Variants in FAM210A observed in about 807,000 individuals in gnomAD.
FAM210A encodes the protein family with sequence similarity 210 member A.
In FAM210A, 13 loss-of-function variants were observed where a neutral mutation model predicts 25.3. The ratio of observed to expected loss-of-function variants is 0.51; its 90% CI spans 0.33 to 0.82. FAM210A has a LOEUF of 0.82. Among genes scored for constraint, FAM210A ranks in the 40% least tolerant of loss-of-function variants. FAM210A has a pLI of 0.02. For synonymous variants in FAM210A, 125 were observed against 118.7 expected (o/e 1.05, Z -0.35); for missense variants, 319 against 323.2 (o/e 0.99, Z 0.10).
intron 1 of FAM210A, among the ~76,000 whole-genome samples, chr18:13,712,848 A>C (rs889931403): frequency 6.6e-6 from 1 of 152,192 alleles, no homozygotes; most frequent in Non-Finnish European, 1.5e-5. Flanking sequence ...GAAGGACTCA[A>C]AACTAAGTAC....
chr18:13,707,981 A>C (rs530303785), intron 1 of FAM210A, among the ~76,000 whole-genome samples: 1 of 152,092 alleles, frequency 6.6e-6, no homozygotes, highest in East Asian at 1.9e-4. Flanking sequence ...GGGGCTGCCC[A>C]ATTTGCGAAT....
In FAM210A at chr18:13,702,780, T is replaced by A. The variant is rs577223437; in HGVS notation, c.-28-20675A>T. Reference sequence around the variant, plus strand: ...CTTAGGGAATGAGTTCTTTCCTGTTTGATATCTTCATAACTGTTACCATTT... The same window carrying A: ...CTTAGGGAATGAGTTCTTTCCTGTTAGATATCTTCATAACTGTTACCATTT... On this transcript the variant is annotated intron_variant, in intron 1 of 3. Transcript: ENST00000651643. Among the ~76,000 whole-genome samples, 15 of 152,336 alleles carry A rather than the reference T, an allele frequency of 9.8e-5. No individual in the cohort carries two copies. In the South Asian group the frequency reaches 2.9e-3, roughly 29 times the overall value.
chr18:13,683,818 C>A (rs2043574977), intron 1 of FAM210A, among the ~76,000 whole-genome samples: 3 of 152,134 alleles, frequency 2.0e-5, no homozygotes, highest in Admixed American at 1.3e-4. Context: ...TGAATTAGCA[C>A]CCCTATAAAT....
chr18:13,713,978 C>G (rs1226725282), intron 1 of FAM210A, among the ~76,000 whole-genome samples: 1 of 152,154 alleles, frequency 6.6e-6, no homozygotes, highest in Non-Finnish European at 1.5e-5. Context: ...TATAACTCCT[C>G]CAGGGGTACG....
At chr18:13,711,561 C>G (rs2043821985) in intron 1 of FAM210A, among the ~76,000 whole-genome samples, 1 of 152,162 alleles carries the variant, frequency 6.6e-6, no homozygotes, top group South Asian at 2.1e-4. Context: ...CTACTTGCAT[C>G]CTACTTGTTC....
At chr18:13,690,068 C>T (rs1449580660) in intron 1 of FAM210A, among the ~76,000 whole-genome samples, 1 of 152,240 alleles carries the variant, frequency 6.6e-6, no homozygotes, top group African/African-American at 2.4e-5. Flanking sequence ...TAATACTGCG[C>T]TTTTCCAACG....
chr18:13,698,375 A>G (rs1406532692), intron 1 of FAM210A, among the ~76,000 whole-genome samples: 1 of 148,406 alleles, frequency 6.7e-6, no homozygotes, highest in Middle Eastern at 3.3e-3. Flanking sequence ...AAAAAAAATA[A>G]GAATTAATTC....
intron 1 of FAM210A, among the ~76,000 whole-genome samples, chr18:13,688,322 AGCTCG>A (rs1187087194): frequency 6.6e-6 from 1 of 152,190 alleles, no homozygotes; most frequent in Non-Finnish European, 1.5e-5. Flanking sequence ...AACTACCTAC[AGCTCG>A]GCCCCATCCT....
chr18:13,677,445 G>T (rs569104643), intron 2 of FAM210A, among the ~76,000 whole-genome samples: 2 of 152,160 alleles, frequency 1.3e-5, no homozygotes, highest in African/African-American at 4.8e-5. Flanking sequence ...GAGTAAGCAG[G>T]GGGTACGTGA....
chr18:13,718,674 T>G (rs2043878454), intron 1 of FAM210A, among the ~76,000 whole-genome samples: 1 of 152,194 alleles, frequency 6.6e-6, no homozygotes, highest in Admixed American at 6.5e-5. Context: ...ATCATGAAAA[T>G]CAGTTTTAAC....
At chr18:13,678,992 T>C (rs2043526895) in intron 2 of FAM210A, among the ~76,000 whole-genome samples, 1 of 152,242 alleles carries the variant, frequency 6.6e-6, no homozygotes, top group Non-Finnish European at 1.5e-5. Flanking sequence ...ACCAGATCTC[T>C]GCAAGGCTTT....
chr18:13,704,595 T>C (rs574278867), intron 1 of FAM210A, among the ~76,000 whole-genome samples: 6 of 152,306 alleles, frequency 3.9e-5, no homozygotes, highest in Admixed American at 1.3e-4. Context: ...TTCTAACTTC[T>C]AACTTTGGGA....
chr18:13,687,746 T>A (rs1857236628), intron 1 of FAM210A: 2 of 152,220 alleles, frequency 1.3e-5, no homozygotes, highest in Non-Finnish European at 1.5e-5. Context: ...CACTTACCCT[T>A]CACATGCCCG....
rs2043764964 is a variant in FAM210A at position 13,704,693 on chromosome 18, T to TA, written c.-29+21635dup. ...AGTTACATGTGAAGAATTGTCAAAA[T>TA]AAAAAATTATGTTTAACTCTTTCAA... On this transcript the variant is annotated intron_variant, in intron 1 of 3. Coordinates refer to ENST00000651643, the MANE Select transcript of FAM210A (RefSeq NM_152352.4). Among the ~76,000 whole-genome samples the TA allele has an allele frequency of 2.0e-5, 3 of 152,152 alleles. No individual in the cohort carries two copies. The South Asian group carries it at 6.2e-4, about 31-fold the overall frequency.
In FAM210A at chr18:13,691,132, G is replaced by T. The variant is rs143947402; in HGVS notation, c.-28-9027C>A. ...GTGCAAAAGCTTCAGTAACCAATTTGATCAAGTGGAAGAAAGGGTATCAGT... is the reference window on the plus strand; with the variant it reads ...GTGCAAAAGCTTCAGTAACCAATTTTATCAAGTGGAAGAAAGGGTATCAGT... On this transcript the variant is annotated intron_variant, in intron 1 of 3. Transcript: ENST00000651643. 4.1e-3 allele frequency among the ~76,000 whole-genome samples: 617 copies of T among 152,222 alleles called. 28 individuals are homozygous for T. In the East Asian group the frequency reaches 0.094, roughly 23 times the overall value.
chr18:13,696,765 A>C (rs1230583251), intron 1 of FAM210A, among the ~76,000 whole-genome samples: 3 of 152,252 alleles, frequency 2.0e-5, no homozygotes, highest in African/African-American at 7.2e-5. Flanking sequence ...AAGCATAAAA[A>C]TAAAGGTAAG....
At chr18:13,695,627 C>A (rs190892446) in intron 1 of FAM210A, among the ~76,000 whole-genome samples, 1,942 of 151,404 alleles carry the variant, frequency 0.013, 15 homozygotes, top group Middle Eastern at 0.055. Context: ...GAAAACCAAA[C>A]ATCACATGTT....
intron 1 of FAM210A, among the ~76,000 whole-genome samples, chr18:13,711,437 A>G (rs1487237433): frequency 6.6e-6 from 1 of 152,104 alleles, no homozygotes; most frequent in Non-Finnish European, 1.5e-5. Context: ...AAACAAAAAA[A>G]CCAGCCTTCT....
intron 1 of FAM210A, among the ~76,000 whole-genome samples, chr18:13,682,806 T>C (rs1028232173): frequency 2.6e-5 from 4 of 152,088 alleles, no homozygotes; most frequent in East Asian, 1.9e-4. Flanking sequence ...GAGGTGGAGA[T>C]TGCAGTGAGT....
Sources: gnomAD v4.1 joint callset for allele counts (sites outside exome capture counted in the v4.1 genomes callset) on GRCh38, gnomAD v4.1.1 for gene constraint, MANE v1.5 for transcripts, NCBI Gene and HGNC (gene_info 2026-07-23, HGNC 2026-07-21) for gene names.